The following NDC80 variants were observed in gnomAD, a reference collection of about 807,000 sequenced individuals.
The protein encoded by NDC80 is NDC80 kinetochore complex component.
A neutral mutation model predicts 89.3 loss-of-function variants in NDC80; 69 were observed. The observed-to-expected ratio is 0.77, with a 90% CI of 0.64 to 0.94. NDC80 has a LOEUF of 0.94. Among genes scored for constraint, NDC80 ranks in the 40% least tolerant of loss-of-function variants. The pLI, the probability that NDC80 is intolerant of heterozygous loss-of-function variation, is 0.00. For missense variants in NDC80, 593 were observed against 739.6 expected, an observed-to-expected ratio of 0.80 and a Z score of 2.30; for synonymous variants, 243 against 255.6, an observed-to-expected ratio of 0.95 and a Z score of 0.47.
intron 15 of NDC80, among the ~76,000 whole-genome samples, chr18:2,609,950 A>G (rs1024243145): frequency 3.3e-5 from 5 of 152,212 alleles, no homozygotes; most frequent in Non-Finnish European, 5.9e-5. Context: ...TTCCAAACAA[A>G]CACAACAGAA....
In NDC80 at chr18:2,573,046, T is replaced by A; in HGVS notation, c.61T>A (p.Ser21Thr). The change falls in exon 2 of 17, where the codon TCC becomes ACC. Residue 21 changes from serine to threonine, a missense_variant. Transcript: ENST00000261597. ...CCGCCTCTCCATGCAGGAGTTAAGA[T>A]CCCAGGATGTAAATAAACAAGGCCT... ...AGRLSMQELR[S>T]QDVNKQGLYT... 1 of 1,614,126 alleles carries A rather than the reference T, an allele frequency of 6.2e-7. No homozygotes were observed. The highest frequency in any genetic ancestry group is 8.5e-7 in the Non-Finnish European group (1 of 1,180,014).
chr18:2,605,274 ATGTGTGTGTGTGTG>A (rs60324126), intron 13 of NDC80, among the ~76,000 whole-genome samples: 4,237 of 127,284 alleles, frequency 0.033, 134 homozygotes, highest in East Asian at 0.15. Context: ...GGCTATATGT[ATGTGTGTGTGTGTG>A]TGTGTGTGTG....
intron 16 of NDC80, among the ~76,000 whole-genome samples, chr18:2,612,818 C>T (rs1039762967): frequency 1.3e-5 from 2 of 152,150 alleles, no homozygotes; most frequent in African/African-American, 4.8e-5. Flanking sequence ...TTACTTTGCA[C>T]TATGCAAAAT....
intron 16 of NDC80, chr18:2,614,472 AAAGAAAGAAAGGAAGG>A (rs2072763206): frequency 2.1e-4 from 1 of 4,724 alleles, no homozygotes; most frequent in African/African-American, 8.0e-4. Flanking sequence ...AGAAAGAAAG[AAAGAAAGAAAGGAAGG>A]AAGGAAGGAA....
intron 10 of NDC80, among the ~76,000 whole-genome samples, chr18:2,592,861 G>C (rs2072634107): frequency 6.6e-6 from 1 of 151,908 alleles, no homozygotes; most frequent in African/African-American, 2.4e-5. Context: ...TCATCCTTTT[G>C]TCCCAGCCTG....
At chr18:2,581,763 C>G (rs753425041) in intron 6 of NDC80, among the ~76,000 whole-genome samples, 8 of 152,160 alleles carry the variant, frequency 5.3e-5, no homozygotes, top group Non-Finnish European at 1.0e-4. Context: ...CATGACCATA[C>G]TAATTCCTGT....
At chr18:2,603,275 A>G (rs2072693182) in intron 13 of NDC80, among the ~76,000 whole-genome samples, 1 of 151,418 alleles carries the variant, frequency 6.6e-6, no homozygotes, top group South Asian at 2.1e-4. Context: ...AGGGACCGGC[A>G]AAGGAAGGAG....
At chr18:2,578,891 C>A in intron 5 of NDC80, 36 bp from the exon 6 acceptor site, 1 of 1,235,670 alleles carries the variant, frequency 8.1e-7, no homozygotes, top group Non-Finnish European at 1.1e-6. Flanking sequence ...ATTATAATAA[C>A]ATTAAATTAG....
intron 2 of NDC80, 132 bp from the exon 3 acceptor site, chr18:2,574,857 A>G (rs1407444355): frequency 1.6e-6 from 1 of 638,382 alleles, no homozygotes. Context: ...CATGACTGCT[A>G]AACATTTTTA....
At chr18:2,591,249 C>G (rs1046236478) in intron 10 of NDC80, among the ~76,000 whole-genome samples, 1 of 152,212 alleles carries the variant, frequency 6.6e-6, no homozygotes, top group Non-Finnish European at 1.5e-5. Flanking sequence ...ACACAGCAAT[C>G]TTAATCATAA....
At position 2,572,977 on chromosome 18, in the gene NDC80, G is replaced by C; in HGVS notation, c.-9G>C. On this transcript the variant is annotated splice_region_variant and 5_prime_UTR_variant, in exon 2 of 17. Coordinates refer to ENST00000261597, the MANE Select transcript of NDC80 (RefSeq NM_006101.3). ...TTAAATACTGAATTCGTGAATGTAGGTCATAAGCATGAAGCGCAGTTCAGT... is the reference window on the plus strand; with the variant it reads ...TTAAATACTGAATTCGTGAATGTAGCTCATAAGCATGAAGCGCAGTTCAGT... The C allele has an allele frequency of 6.2e-7, 1 of 1,611,750 alleles. No individual in the cohort carries two copies. The highest frequency in any genetic ancestry group is 8.5e-7 in the Non-Finnish European group (1 of 1,179,126).
At position 2,578,019 on chromosome 18, in the gene NDC80, A is replaced by G. The variant is rs1201429881; in HGVS notation, c.354A>G (p.Gln118=). 2.5e-6 allele frequency: 4 copies of G among 1,614,112 alleles called. No individual in the cohort carries two copies. Among genetic ancestry groups the G allele is most frequent in the Non-Finnish European group, 2.5e-6 (3 of 1,179,988 alleles). The change falls in exon 5 of 17, where the codon CAA becomes CAG. Residue 118 remains glutamine, a synonymous_variant. Coordinates refer to ENST00000261597, the MANE Select transcript of NDC80 (RefSeq NM_006101.3). The stretch of plus-strand genomic sequence containing the variant: ...ATAATGTGTCCATGAAATCTCTACA[A>G]GCTCCCTCTGTTAAAGACTTCCTGA... ...YAHNVSMKSL[Q]APSVKDFLKI... is the part of the protein sequence containing the mutation.
intron 9 of NDC80, among the ~76,000 whole-genome samples, chr18:2,589,697 A>T (rs1191813084): frequency 6.7e-6 from 1 of 149,996 alleles, no homozygotes; most frequent in East Asian, 1.9e-4. Flanking sequence ...TTGTATCCTG[A>T]GTTTTCTAAA....
chr18:2,584,398 T>G (rs2143640078), intron 6 of NDC80, among the ~76,000 whole-genome samples: 1 of 151,788 alleles, frequency 6.6e-6, no homozygotes, highest in South Asian at 2.1e-4. Flanking sequence ...TCTACATTTT[T>G]ATATATTTAT....
At chr18:2,603,927 T>C (rs1190953222) in intron 13 of NDC80, among the ~76,000 whole-genome samples, 3 of 152,368 alleles carry the variant, frequency 2.0e-5, no homozygotes, top group Middle Eastern at 3.4e-3. Context: ...AGAGACCTAA[T>C]TCATTTATAA....
rs768598266 is a variant in NDC80 at position 2,610,887 on chromosome 18, G to A, written c.1791+26G>A. 2.9e-5 allele frequency: 39 copies of A among 1,351,722 alleles called. No homozygotes were observed. The Admixed American group carries it at 3.3e-4, about 12-fold the overall frequency. 83.7% of individuals were successfully genotyped at this position (1,351,722 alleles called of 1,614,324 possible). ...GTAAGTATGTGATGGTCTTTCCTAC[G>A]TTCTAAGAAAGGTTTTTAAAACTTT... is the stretch of plus-strand genomic sequence containing the variant. On this transcript the variant is annotated intron_variant, in intron 16 of 16. Coordinates refer to ENST00000261597, the MANE Select transcript of NDC80 (RefSeq NM_006101.3).
At chr18:2,572,100 A>AC (rs2072517565) in intron 1 of NDC80, among the ~76,000 whole-genome samples, 1 of 152,216 alleles carries the variant, frequency 6.6e-6, no homozygotes, top group South Asian at 2.1e-4. Context: ...TGGAGATTAA[A>AC]CGTGGACACA....
At position 2,600,938 on chromosome 18, in the gene NDC80, A is replaced by G. The variant is rs1421391436; in HGVS notation, c.1375-458A>G. On this transcript the variant is annotated intron_variant, in intron 12 of 16. Transcript: ENST00000261597. ...CCTCAATTTAGAAAAATGACAAGCA[A>G]TGAAGTGCTGTGTTAAAGTCAGTAG... Among the ~76,000 whole-genome samples, 6 of 152,354 alleles carry G rather than the reference A, an allele frequency of 3.9e-5. No individual in the cohort carries two copies. The South Asian group carries it at 8.3e-4, about 21-fold the overall frequency.
At chr18:2,601,319 A>G (rs2072682918) in intron 12 of NDC80, 77 bp from the exon 13 acceptor site, 1 of 539,636 alleles carries the variant, frequency 1.9e-6, no homozygotes. Context: ...TCCTCCTATC[A>G]CAGTGTGTAG....
Sources: gnomAD v4.1 joint callset for allele counts (sites outside exome capture counted in the v4.1 genomes callset) on GRCh38, gnomAD v4.1.1 for gene constraint, MANE v1.5 for transcripts, NCBI Gene and HGNC (gene_info 2026-07-23, HGNC 2026-07-21) for gene names.